Variants in ATP2B2 observed in about 807,000 individuals in gnomAD.
ATP2B2 encodes plasma membrane calcium-transporting ATPase 2.
Under a neutral mutation model 120.0 loss-of-function variants are expected in ATP2B2, and 15 were observed. The ratio of observed to expected loss-of-function variants is 0.12; its 90% CI spans 0.08 to 0.19. The LOEUF (loss-of-function observed/expected upper bound fraction) is 0.19, where lower values mean the gene tolerates loss of function less well. Among genes scored for constraint, ATP2B2 ranks in the 10% least tolerant of loss-of-function variants. The pLI is 1.00. For missense variants in ATP2B2, 1,045 were observed against 1,719.8 expected, an observed-to-expected ratio of 0.61 and a Z score of 6.94; for synonymous variants, 694 against 700.3, an observed-to-expected ratio of 0.99 and a Z score of 0.14.
intron 2 of ATP2B2, among the ~76,000 whole-genome samples, chr3:10,587,650 G>T (rs909904695): frequency 1.3e-5 from 2 of 152,176 alleles, no homozygotes; most frequent in African/African-American, 2.4e-5. Flanking sequence ...AAAGTGCAGG[G>T]ATTACAGGCA....
At chr3:10,338,387 T>G (rs759159243) in intron 21 of ATP2B2, 29 bp from the exon 22 acceptor site, 191 of 1,613,306 alleles carry the variant, frequency 1.2e-4, no homozygotes, top group Non-Finnish European at 1.9e-5. Context: ...GTCAGGACGG[T>G]GGGGCTGTCC....
intron 1 of ATP2B2, among the ~76,000 whole-genome samples, chr3:10,624,098 T>A (rs1040380945): frequency 1.3e-5 from 2 of 152,222 alleles, no homozygotes; most frequent in African/African-American, 4.8e-5. Flanking sequence ...ACTAAGGCTC[T>A]GATAAGTCCT....
intron 1 of ATP2B2, among the ~76,000 whole-genome samples, chr3:10,479,521 G>T (rs1350608504): frequency 6.6e-6 from 1 of 151,932 alleles, no homozygotes; most frequent in East Asian, 1.9e-4. Context: ...TTGTGTGACT[G>T]TTGGATTGTT....
intron 2 of ATP2B2, among the ~76,000 whole-genome samples, chr3:10,555,251 A>G (rs972557349): frequency 6.6e-6 from 1 of 152,244 alleles, no homozygotes; most frequent in Non-Finnish European, 1.5e-5. Context: ...TTTCACAGCA[A>G]CTGGCTGTTT....
chr3:10,337,250 C>G (rs2060143160), intron 22 of ATP2B2, among the ~76,000 whole-genome samples: 2 of 152,194 alleles, frequency 1.3e-5, no homozygotes, highest in South Asian at 4.1e-4. Context: ...GGTGAGCTCT[C>G]TGCTACATCG....
intron 1 of ATP2B2, among the ~76,000 whole-genome samples, chr3:10,454,734 G>A (rs2064190400): frequency 6.6e-6 from 1 of 152,182 alleles, no homozygotes; most frequent in South Asian, 2.1e-4. Context: ...TGACAGAACT[G>A]AGGACCCCAT....
At chr3:10,588,848 A>C (rs2068576576) in intron 2 of ATP2B2, among the ~76,000 whole-genome samples, 1 of 152,202 alleles carries the variant, frequency 6.6e-6, no homozygotes, top group Admixed American at 6.5e-5. Flanking sequence ...AGAACTAGAA[A>C]TAGATCCAAC....
At chr3:10,664,961 C>G (rs1449718401) in intron 1 of ATP2B2, among the ~76,000 whole-genome samples, 2 of 152,168 alleles carry the variant, frequency 1.3e-5, no homozygotes, top group Non-Finnish European at 2.9e-5. Context: ...CAAAGGTGCT[C>G]TCAGACCCAG....
At chr3:10,548,490 C>T (rs1243209541) in intron 2 of ATP2B2, among the ~76,000 whole-genome samples, 1 of 152,154 alleles carries the variant, frequency 6.6e-6, no homozygotes, top group Non-Finnish European at 1.5e-5. Flanking sequence ...CAGCTCTGTT[C>T]CCTCTCAGCT....
intron 2 of ATP2B2, among the ~76,000 whole-genome samples, chr3:10,429,765 T>C (rs532618634): frequency 6.6e-6 from 1 of 152,378 alleles, no homozygotes; most frequent in Admixed American, 6.5e-5. Context: ...AGGCCTCTTA[T>C]GCCAAATGGT....
At chr3:10,382,275 A>T (rs949900543) in intron 8 of ATP2B2, among the ~76,000 whole-genome samples, 1 of 141,992 alleles carries the variant, frequency 7.0e-6, no homozygotes, top group Non-Finnish European at 1.5e-5. Context: ...ACCTCAAGTG[A>T]TTCTCCTGCT....
chr3:10,702,513 A>T (rs1006959782), intron 1 of ATP2B2, among the ~76,000 whole-genome samples: 1 of 152,056 alleles, frequency 6.6e-6, no homozygotes, highest in Admixed American at 6.6e-5. Flanking sequence ...GAAAGCACTG[A>T]CTCGTTCCCA....
intron 3 of ATP2B2, among the ~76,000 whole-genome samples, chr3:10,520,558 C>T (rs183043230): frequency 6.6e-6 from 1 of 152,284 alleles, no homozygotes; most frequent in East Asian, 1.9e-4. Flanking sequence ...CAACCTCCAC[C>T]TCCTGGGTTC....
chr3:10,460,633 C>T, intron 1 of ATP2B2, among the ~76,000 whole-genome samples: 1 of 152,154 alleles, frequency 6.6e-6, no homozygotes, highest in South Asian at 2.1e-4. Context: ...TGCTCAAAGC[C>T]TGTTTTTTAG....
chr3:10,514,152 C>G (rs1158796116), intron 3 of ATP2B2, among the ~76,000 whole-genome samples: 1 of 152,164 alleles, frequency 6.6e-6, no homozygotes, highest in East Asian at 1.9e-4. Flanking sequence ...AGTTGTCCAG[C>G]TGGTAAGTGC....
At chr3:10,463,723 T>C (rs1354275032) in intron 1 of ATP2B2, among the ~76,000 whole-genome samples, 1 of 152,240 alleles carries the variant, frequency 6.6e-6, no homozygotes, top group Non-Finnish European at 1.5e-5. Context: ...CCTAGTCCTC[T>C]GGGCTACTCT....
At chr3:10,454,024 G>A (rs1186925040) in intron 1 of ATP2B2, among the ~76,000 whole-genome samples, 2 of 123,322 alleles carry the variant, frequency 1.6e-5, no homozygotes, top group African/African-American at 5.3e-5. Flanking sequence ...ACCACCCACC[G>A]ACCCATCTAC....
At chr3:10,639,873 G>A (rs2070124545) in intron 1 of ATP2B2, among the ~76,000 whole-genome samples, 1 of 152,226 alleles carries the variant, frequency 6.6e-6, no homozygotes, top group Non-Finnish European at 1.5e-5. Context: ...TAAGGCTGGA[G>A]GGCAGAAGTG....
intron 1 of ATP2B2, among the ~76,000 whole-genome samples, chr3:10,707,481 G>C (rs2071913782): frequency 6.6e-6 from 1 of 152,210 alleles, no homozygotes; most frequent in African/African-American, 2.4e-5. Flanking sequence ...GCAGGAACTA[G>C]AGCCAGGAGA....
Sources: allele counts gnomAD v4.1 joint callset (sites outside exome capture counted in the v4.1 genomes callset), GRCh38; gene constraint gnomAD v4.1.1; transcripts MANE v1.5; gene names NCBI Gene and HGNC (gene_info 2026-07-23, HGNC 2026-07-21).